Variants in ARSA observed in about 807,000 individuals in gnomAD.
ARSA encodes the protein cerebroside-sulfatase.
A neutral mutation model predicts 37.8 loss-of-function variants in ARSA; 32 were observed. The ratio of observed to expected loss-of-function variants is 0.85; its 90% CI spans 0.64 to 1.14. ARSA has a LOEUF of 1.14. ARSA is among the 50% of genes most tolerant of loss of function. The probability of loss-of-function intolerance (pLI) is 0.00; values close to 1 mark genes in which losing one functional copy is unlikely to be tolerated. For missense variants in ARSA, 685 were observed against 686.3 expected (o/e 1.00, Z 0.02); for synonymous variants, 303 against 303.4 (o/e 1.00, Z 0.01).
rs769556399 is a variant in ARSA at position 50,627,744 on chromosome 22, G to A, written c.36C>T (p.Ala12=). The A allele has an allele frequency of 5.8e-6, 9 of 1,550,596 alleles. No individual in the cohort carries two copies. Among genetic ancestry groups the A allele is most frequent in the South Asian group, 1.2e-5 (1 of 84,172 alleles). The part of the protein sequence containing the change: ...SMGAPRSLLL[A]LAAGLAVARP... ...GGGCAACGGCCAGGCCAGCAGCCAG[G>A]GCCAGGAGGAGGGACCGCGGTGCCC... The change falls in exon 1 of 8, where the codon GCC becomes GCT. Residue 12 remains alanine (A), a synonymous_variant. Transcript: ENST00000216124.
At chr22:50,625,793 A>G in intron 6 of ARSA, 112 bp from the exon 7 acceptor site, 1 of 1,548,932 alleles carries the variant, frequency 6.5e-7, no homozygotes, top group East Asian at 2.3e-5. Context: ...TTGCCCACCC[A>G]GGAACCTGAG....
rs1390385114 is a variant in ARSA at position 50,625,216 on chromosome 22, G to T, written c.1459C>A (p.Leu487Met). The T allele has an allele frequency of 1.2e-6, 2 of 1,608,264 alleles. No homozygotes were observed. The highest frequency in any genetic ancestry group is 1.7e-6 in the Non-Finnish European group (2 of 1,177,154). ...SQVARGEDPA[L>M]QICCHPGCTP... is the part of the protein sequence containing the mutation. ...CAGCCAGGATGACAGCAGATCTGCA[G>T]GGCGGGGTCCTCGCCCCGGGCCACC... Residue 487 changes from leucine to methionine, a missense_variant, in exon 8 of 8, where the codon CTG becomes ATG. Coordinates refer to ENST00000216124, the MANE Select transcript of ARSA (RefSeq NM_000487.6).
chr22:50,626,369 C>CT (rs1569079282), intron 4 of ARSA, 91 bp from the exon 5 acceptor site: 3 of 1,569,586 alleles, frequency 1.9e-6, no homozygotes. Flanking sequence ...AGTCACAAAG[C>CT]TTGCCCGGAG....
chr22:50,625,786 C>T, intron 6 of ARSA, 105 bp from the exon 7 acceptor site: 1 of 1,551,068 alleles, frequency 6.4e-7, no homozygotes, highest in Non-Finnish European at 8.8e-7. Flanking sequence ...CCGCTTCTTG[C>T]CCACCCAGGA....
chr22:50,627,785 C>A lies in ARSA; in HGVS notation c.-6G>T, dbSNP rs1293425128. 3 of 1,541,464 alleles carry A rather than the reference C, an allele frequency of 1.9e-6. No individual in the cohort carries two copies. The highest frequency in any genetic ancestry group is 2.6e-6 in the Non-Finnish European group (3 of 1,146,636). On this transcript the variant is annotated 5_prime_UTR_variant, in exon 1 of 8. Transcript: ENST00000216124. ...CGCGGTGCCCCCATGGACATGGGAC[C>A]GAGGGGTCTGTCCCAAGAGAGGGAG...
At position 50,627,789 on chromosome 22, in the gene ARSA, G is replaced by A. The variant is rs1226572869; in HGVS notation, c.-10C>T. The A allele has an allele frequency of 1.9e-6, 3 of 1,540,596 alleles. No individual in the cohort carries two copies. In the South Asian group the frequency reaches 3.6e-5, roughly 18 times the overall value. On this transcript the variant is annotated 5_prime_UTR_variant, in exon 1 of 8. Transcript: ENST00000216124. ...GTGCCCCCATGGACATGGGACCGAGGGGTCTGTCCCAAGAGAGGGAGGGCT... is the reference window on the plus strand; with the variant it reads ...GTGCCCCCATGGACATGGGACCGAGAGGTCTGTCCCAAGAGAGGGAGGGCT...
In ARSA at chr22:50,626,838, G is replaced by C. The variant is rs138468395; in HGVS notation, c.680C>G (p.Ser227Cys). 2.6e-5 allele frequency: 42 copies of C among 1,612,718 alleles called. No homozygotes were observed. In the African/African-American group the frequency reaches 5.6e-4, roughly 21 times the overall value. Residue 227 changes from serine to cysteine, a missense_variant, in exon 3 of 8, where the codon TCT becomes TGT. Ser to Cys is a moderately radical substitution (Grantham distance 112). Transcript: ENST00000216124. ...GGTTGGGCCAAGATCACTTACGTGA[G>C]AGGCATAGTACAGGAAGAAGGGGCG... Reference protein sequence around the residue: ...QDRPFFLYYASHHTHYPQFSG... With the variant: ...QDRPFFLYYACHHTHYPQFSG...
rs760341375 is a variant in ARSA, at chr22:50,627,458, TAGAG to T, written c.225-56_225-53del. ...AGACAGACAGAAATGTGGCCTTCCC[TAGAG>T]AGAGAGACAGACGTTTTTCCCGCCC... On this transcript the variant is annotated intron_variant, in intron 1 of 7. Coordinates refer to ENST00000216124, the MANE Select transcript of ARSA (RefSeq NM_000487.6). The T allele has an allele frequency of 1.9e-4, 309 of 1,604,118 alleles. 1 individual carries two copies. Among genetic ancestry groups the T allele is most frequent in the Middle Eastern group, 1.7e-4 (1 of 5,724 alleles).
chr22:50,626,743 C>T lies in ARSA; in HGVS notation c.702G>A (p.Gln234=). Residue 234 remains glutamine, a synonymous_variant, in exon 4 of 8, where the codon CAG becomes CAA. Coordinates refer to ENST00000216124, the MANE Select transcript of ARSA (RefSeq NM_000487.6). ...GCTCTGCAAAGCTCTGCCCACTGAACTGAGGGTAGTGGGTGTGCTGGGGGC... is the reference window on the plus strand; with the variant it reads ...GCTCTGCAAAGCTCTGCCCACTGAATTGAGGGTAGTGGGTGTGCTGGGGGC... The part of the protein sequence containing the change: ...YYASHHTHYP[Q]FSGQSFAERS... 4 of 1,613,612 alleles carry T rather than the reference C, an allele frequency of 2.5e-6. No homozygotes were observed. Among genetic ancestry groups the T allele is most frequent in the Non-Finnish European group, 3.4e-6 (4 of 1,179,644 alleles).
rs763393397 is a variant in ARSA, at chr22:50,627,063, C to G, written c.466-11G>C. The G allele has an allele frequency of 1.2e-6, 2 of 1,600,638 alleles. No individual in the cohort carries two copies. The highest frequency in any genetic ancestry group is 3.4e-5 in the Admixed American group (2 of 59,584). On this transcript the variant is annotated splice_polypyrimidine_tract_variant and intron_variant, in intron 2 of 7. Transcript: ENST00000216124. The stretch of plus-strand genomic sequence containing the variant: ...GTTCTGGCAGGGGCCCTGAGGCGGG[C>G]AGCTGCCGTGAGGGCTGGGCTGGCA...
At position 50,625,693 on chromosome 22, in the gene ARSA, G is replaced by C. The variant is rs757806374; in HGVS notation, c.1108-12C>G. On this transcript the variant is annotated splice_polypyrimidine_tract_variant and intron_variant, in intron 6 of 7. Coordinates refer to ENST00000216124, the MANE Select transcript of ARSA (RefSeq NM_000487.6). ...GACTGCCGAGGGCTCTGGGGGCAGA[G>C]TCAGGGGTCACGGGGCGGGGCAGGC... 2 of 1,611,502 alleles carry C rather than the reference G, an allele frequency of 1.2e-6. No homozygotes were observed. The highest frequency in any genetic ancestry group is 1.7e-5 in the Admixed American group (1 of 60,016).
rs1433107855 is a variant in ARSA at position 50,625,025 on chromosome 22, A to G, written c.*120T>C. ...ACCCCAGGATTGGACGAATTGTCAC[A>G]TCTGCAAGTCTCCACTGGTGTTATT... On this transcript the variant is annotated 3_prime_UTR_variant, in exon 8 of 8. Coordinates refer to ENST00000216124, the MANE Select transcript of ARSA (RefSeq NM_000487.6). 3.3e-6 allele frequency: 4 copies of G among 1,207,944 alleles called. No homozygotes were observed. The highest frequency in any genetic ancestry group is 2.6e-5 in the East Asian group (1 of 38,788). The allele number at this position is 1,207,944 out of a possible 1,614,324, so 74.8% of individuals were successfully genotyped here.
rs746072398 is a variant in ARSA at position 50,625,554 on chromosome 22, G to A, written c.1210+25C>T. 1.1e-5 allele frequency: 18 copies of A among 1,611,018 alleles called. No individual in the cohort carries two copies. In the East Asian group the frequency reaches 3.3e-4, roughly 30 times the overall value. On this transcript the variant is annotated intron_variant, in intron 7 of 7. Transcript: ENST00000216124. ...CCGGGGAGGGGTCAGCAGGTCGGGG[G>A]GAGGGATCCACGGGGAGGGGTTACC...
chr22:50,622,806 C>T lies in ARSA; in HGVS notation c.*2339G>A, dbSNP rs749142708. 6.6e-6 allele frequency: 1 copy of T among 152,186 alleles called. No individual in the cohort carries two copies. Among genetic ancestry groups the T allele is most frequent in the Non-Finnish European group, 1.5e-5 (1 of 68,054 alleles). 9.4% of individuals were successfully genotyped at this position (152,186 alleles called of 1,614,324 possible). A position where few individuals can be genotyped will look rare whatever the true frequency, so the allele number is the denominator to read the frequency against. On this transcript the variant is annotated 3_prime_UTR_variant, in exon 8 of 8. Transcript: ENST00000216124. ...TTACGCTTGGAGCTCTCCAGGTAGGCAGCTGGAGACACTGGGTTAGCAGCT... is the reference window on the plus strand; with the variant it reads ...TTACGCTTGGAGCTCTCCAGGTAGGTAGCTGGAGACACTGGGTTAGCAGCT...
Position 50,627,771 on chromosome 22 carries a change from C to A in ARSA, c.9G>T (p.Met3Ile). 1 of 1,545,176 alleles carries A rather than the reference C, an allele frequency of 6.5e-7. No individual in the cohort carries two copies. Among genetic ancestry groups the A allele is most frequent in the Non-Finnish European group, 8.7e-7 (1 of 1,146,884 alleles). MSMGAPRSLLLAL... is the reference protein window; with the variant it reads MSIGAPRSLLLAL... ...CCAGGAGGAGGGACCGCGGTGCCCC[C>A]ATGGACATGGGACCGAGGGGTCTGT... is the stretch of plus-strand genomic sequence containing the variant. The change falls in exon 1 of 8, where the codon ATG becomes ATT. Residue 3 changes from methionine (M) to isoleucine (I), a missense_variant. Physicochemically the swap from Met to Ile is conservative, Grantham distance 10 (BLOSUM62 1). Coordinates refer to ENST00000216124, the MANE Select transcript of ARSA (RefSeq NM_000487.6).
In ARSA at chr22:50,626,080, G is replaced by T; in HGVS notation, c.980-17C>A. ...GGGTCACGCCTGGGGGCAGGAGGCTGGTCAGTCACTCAGTTCGCCATCAAG... is the reference window on the plus strand; with the variant it reads ...GGGTCACGCCTGGGGGCAGGAGGCTTGTCAGTCACTCAGTTCGCCATCAAG... On this transcript the variant is annotated splice_polypyrimidine_tract_variant and intron_variant, in intron 5 of 7. Transcript: ENST00000216124. The T allele has an allele frequency of 6.3e-7, 1 of 1,598,796 alleles. No homozygotes were observed. Among genetic ancestry groups the T allele is most frequent in the Non-Finnish European group, 8.5e-7 (1 of 1,174,584 alleles).
rs751026697 is a variant in ARSA, at chr22:50,627,786, G to C, written c.-7C>G. ...GCGGTGCCCCCATGGACATGGGACC[G>C]AGGGGTCTGTCCCAAGAGAGGGAGG... On this transcript the variant is annotated 5_prime_UTR_variant, in exon 1 of 8. Coordinates refer to ENST00000216124, the MANE Select transcript of ARSA (RefSeq NM_000487.6). The C allele has an allele frequency of 6.5e-7, 1 of 1,541,332 alleles. No homozygotes were observed. Among genetic ancestry groups the C allele is most frequent in the South Asian group, 1.2e-5 (1 of 83,946 alleles).
chr22:50,627,024 G>T lies in ARSA; in HGVS notation c.494C>A (p.Pro165Gln). 1 of 1,609,662 alleles carries T rather than the reference G, an allele frequency of 6.2e-7. No homozygotes were observed. Among genetic ancestry groups the T allele is most frequent in the Non-Finnish European group, 8.5e-7 (1 of 1,177,894 alleles). ...GCCACCGTCGCAAGGAGTGGCCGGC[G>T]GGAAGCAGGTCAGGTTCTGGCAGGG... is the stretch of plus-strand genomic sequence containing the variant. Reference protein sequence around the residue: ...QGPCQNLTCFPPATPCDGGCD... With the variant: ...QGPCQNLTCFQPATPCDGGCD... The change falls in exon 3 of 8, where the codon CCG becomes CAG. Residue 165 changes from proline to glutamine, a missense_variant. Pro to Gln is a moderately conservative substitution (Grantham distance 76, BLOSUM62 -1). Transcript: ENST00000216124.
In ARSA at chr22:50,625,438, C is replaced by A; in HGVS notation, c.1237G>T (p.Asp413Tyr). ...QGSAHSDTTADPACHASSSLT... is the reference protein window; with the variant it reads ...QGSAHSDTTAYPACHASSSLT... Reference sequence around the variant, plus strand: ...GAGCTGGAGGCGTGGCAGGCAGGGTCTGCAGTGGTATCACTGTGGGCAGAG... The same window carrying A: ...GAGCTGGAGGCGTGGCAGGCAGGGTATGCAGTGGTATCACTGTGGGCAGAG... The change falls in exon 8 of 8, where the codon GAC becomes TAC. Residue 413 changes from aspartate (D) to tyrosine (Y), a missense_variant. Asp to Tyr is a radical substitution (Grantham distance 160). Coordinates refer to ENST00000216124, the MANE Select transcript of ARSA (RefSeq NM_000487.6). 1 of 1,598,642 alleles carries A rather than the reference C, an allele frequency of 6.3e-7. No individual in the cohort carries two copies. The highest frequency in any genetic ancestry group is 8.5e-7 in the Non-Finnish European group (1 of 1,170,748).
Sources: gnomAD v4.1 joint callset for allele counts on GRCh38, gnomAD v4.1.1 for gene constraint, MANE v1.5 for transcripts, NCBI Gene and HGNC (gene_info 2026-07-23, HGNC 2026-07-21) for gene names.